Variants in PTCHD4 observed in about 807,000 individuals in gnomAD.
The protein encoded by PTCHD4 is patched domain containing 4.
Under a neutral mutation model 58.1 loss-of-function variants are expected in PTCHD4, and 33 were observed. The ratio of observed to expected loss-of-function variants is 0.57; its 90% CI spans 0.43 to 0.76. The LOEUF (loss-of-function observed/expected upper bound fraction) is 0.76, where lower values mean the gene tolerates loss of function less well. PTCHD4 is among the 30% of genes least tolerant of loss of function. PTCHD4 has a pLI of 0.00. For missense variants in PTCHD4, 1,058 were observed against 1,027.1 expected, an observed-to-expected ratio of 1.03 and a Z score of -0.41; for synonymous variants, 478 against 409.6, an observed-to-expected ratio of 1.17 and a Z score of -2.02.
intron 3 of PTCHD4, among the ~76,000 whole-genome samples, chr6:48,049,079 C>T (rs1161212694): frequency 6.6e-6 from 1 of 151,932 alleles, no homozygotes; most frequent in Non-Finnish European, 1.5e-5. Flanking sequence ...CTATTTCACT[C>T]AATGTTCATA....
At chr6:48,083,966 A>G (rs1344294171) in intron 1 of PTCHD4, among the ~76,000 whole-genome samples, 1 of 152,114 alleles carries the variant, frequency 6.6e-6, no homozygotes, top group African/African-American at 2.4e-5. Flanking sequence ...CAGACTTTTG[A>G]GCTAAATATC....
intron 4 of PTCHD4, among the ~76,000 whole-genome samples, chr6:47,927,775 T>C (rs947964148): frequency 1.3e-5 from 2 of 151,760 alleles, no homozygotes; most frequent in Non-Finnish European, 2.9e-5. Context: ...TATTTATTTA[T>C]TTTTTCATTA....
rs1763381472 is a variant in PTCHD4 at position 47,859,889 on chromosome 6, A to C, written c.*18414T>G. Among the ~76,000 whole-genome samples, 2 of 151,948 alleles carry C rather than the reference A, an allele frequency of 1.3e-5. No individual in the cohort carries two copies. Among genetic ancestry groups the C allele is most frequent in the African/African-American group, 4.8e-5 (2 of 41,398 alleles). On this transcript the variant is annotated 3_prime_UTR_variant, in exon 5 of 5. Transcript: ENST00000339488. ...TGGGAACTGCAATGACAAAAGACCAAAGGGGGTGCATGGTTGATGCAGAGA... is the reference window on the plus strand; with the variant it reads ...TGGGAACTGCAATGACAAAAGACCACAGGGGGTGCATGGTTGATGCAGAGA...
chr6:47,974,147 C>T (rs1274361360), intron 4 of PTCHD4, among the ~76,000 whole-genome samples: 1 of 152,118 alleles, frequency 6.6e-6, no homozygotes, highest in Non-Finnish European at 1.5e-5. Context: ...GGAGAAATGC[C>T]ATAGACAACA....
intron 3 of PTCHD4, among the ~76,000 whole-genome samples, chr6:48,027,633 A>G (rs1452902120): frequency 6.6e-6 from 1 of 152,156 alleles, no homozygotes; most frequent in Non-Finnish European, 1.5e-5. Context: ...AATGAATATA[A>G]ATTAAAGTTC....
chr6:48,066,866 C>A (rs943820617), intron 3 of PTCHD4, among the ~76,000 whole-genome samples: 1 of 150,342 alleles, frequency 6.7e-6, no homozygotes, highest in Non-Finnish European at 1.5e-5. Flanking sequence ...TGCATTAAAT[C>A]CTCCTTCAAT....
intron 1 of PTCHD4, among the ~76,000 whole-genome samples, chr6:48,084,529 G>T (rs1765226166): frequency 6.6e-6 from 1 of 152,080 alleles, no homozygotes; most frequent in Non-Finnish European, 1.5e-5. Context: ...GCAGCACAAT[G>T]CATATAGAAC....
chr6:48,085,231 A>G (rs1765240587), intron 1 of PTCHD4, among the ~76,000 whole-genome samples: 1 of 152,104 alleles, frequency 6.6e-6, no homozygotes, highest in East Asian at 1.9e-4. Flanking sequence ...GGGTTTAAAT[A>G]CCTTACATTT....
At chr6:47,888,216 G>C (rs1764254787) in intron 4 of PTCHD4, among the ~76,000 whole-genome samples, 1 of 152,244 alleles carries the variant, frequency 6.6e-6, no homozygotes, top group East Asian at 1.9e-4. Flanking sequence ...AATTAGCCGG[G>C]TGTGGTGGTG....
chr6:48,043,446 A>T (rs1277603737), intron 3 of PTCHD4, among the ~76,000 whole-genome samples: 1 of 151,892 alleles, frequency 6.6e-6, no homozygotes, highest in Non-Finnish European at 1.5e-5. Context: ...TTTCAAAATC[A>T]AGACTGTAAT....
intron 1 of PTCHD4, among the ~76,000 whole-genome samples, chr6:48,091,936 C>A (rs1765373596): frequency 6.6e-6 from 1 of 151,980 alleles, no homozygotes; most frequent in Admixed American, 6.6e-5. Context: ...AGGCATGAGC[C>A]ACCACGAGAA....
chr6:48,087,912 G>A (rs1460130465), intron 1 of PTCHD4, among the ~76,000 whole-genome samples: 4 of 152,094 alleles, frequency 2.6e-5, no homozygotes, highest in African/African-American at 9.7e-5. Flanking sequence ...TTAGATTTTA[G>A]TTAAATCATG....
At chr6:47,924,428 T>C (rs1765530434) in intron 4 of PTCHD4, among the ~76,000 whole-genome samples, 1 of 152,146 alleles carries the variant, frequency 6.6e-6, no homozygotes, top group South Asian at 2.1e-4. Flanking sequence ...AGGGAGTAGG[T>C]GTGGAGGTTA....
At chr6:47,907,307 T>C (rs1011609859) in intron 4 of PTCHD4, among the ~76,000 whole-genome samples, 37 of 152,198 alleles carry the variant, frequency 2.4e-4, no homozygotes, top group African/African-American at 7.0e-4. Context: ...AACCACTGTG[T>C]AGAATGGGCT....
In PTCHD4 at chr6:47,878,965, C is replaced by T. The variant is rs765041335; in HGVS notation, c.1870G>A (p.Glu624Lys). The T allele has an allele frequency of 3.1e-6, 5 of 1,612,970 alleles. No homozygotes were observed. The highest frequency in any genetic ancestry group is 1.7e-5 in the Admixed American group (1 of 59,986). ...DKQKEITEVL[E>K]KLRPLSLSKS... The stretch of plus-strand genomic sequence containing the variant: ...GAGAGGGATAGGGGCCTCAGCTTTT[C>T]CAACACTTCTGTGATTTCTTTCTGC... Residue 624 changes from glutamate to lysine, a missense_variant, in exon 5 of 5, where the codon GAA becomes AAA. Physicochemically the swap from Glu to Lys is moderately conservative, Grantham distance 56. Transcript: ENST00000339488.
intron 1 of PTCHD4, among the ~76,000 whole-genome samples, chr6:48,083,593 G>C (rs1043001252): frequency 1.1e-4 from 17 of 152,134 alleles, no homozygotes; most frequent in African/African-American, 4.1e-4. Flanking sequence ...AATTATTCAG[G>C]TGGGCACTTT....
At chr6:48,104,141 C>G (rs9473244) in intron 1 of PTCHD4, among the ~76,000 whole-genome samples, 2 of 151,872 alleles carry the variant, frequency 1.3e-5, no homozygotes, top group Non-Finnish European at 1.5e-5. Context: ...CTCCAAGACA[C>G]GTAATTGTCA....
chr6:47,916,066 G>C (rs1765232742), intron 4 of PTCHD4, among the ~76,000 whole-genome samples: 1 of 152,134 alleles, frequency 6.6e-6, no homozygotes, highest in East Asian at 1.9e-4. Context: ...TGTGAGCAAA[G>C]ACCGGTGACT....
At chr6:47,988,958 T>G (rs1018047496) in intron 4 of PTCHD4, among the ~76,000 whole-genome samples, 1 of 152,102 alleles carries the variant, frequency 6.6e-6, no homozygotes, top group Non-Finnish European at 1.5e-5. Context: ...CAAAAGAAGA[T>G]AGGGAAATGT....
Sources: allele counts gnomAD v4.1 joint callset (sites outside exome capture counted in the v4.1 genomes callset), GRCh38; gene constraint gnomAD v4.1.1; transcripts MANE v1.5; gene names NCBI Gene and HGNC (gene_info 2026-07-23, HGNC 2026-07-21).